The following SNRPN variants were observed in gnomAD, a reference collection of about 807,000 sequenced individuals.
SNRPN encodes small nuclear ribonucleoprotein polypeptide N.
Under a neutral mutation model 25.2 loss-of-function variants are expected in SNRPN, and 7 were observed. The ratio of observed to expected loss-of-function variants is 0.28; its 90% CI spans 0.16 to 0.52. The LOEUF is 0.52. SNRPN is among the 20% of genes least tolerant of loss of function. The pLI is 0.96. For synonymous variants in SNRPN, 124 were observed against 110.6 expected, an observed-to-expected ratio of 1.12 and a Z score of -0.76; for missense variants, 196 against 322.5, an observed-to-expected ratio of 0.61 and a Z score of 3.00.
At chr15:24,970,579 CA>C (rs949989236) in intron 3 of SNRPN, among the ~76,000 whole-genome samples, 6 of 151,008 alleles carry the variant, frequency 4.0e-5, no homozygotes, top group East Asian at 3.9e-4. Flanking sequence ...ACTTCTATCT[CA>C]AAAAAAAATT....
intron 2 of SNRPN, among the ~76,000 whole-genome samples, chr15:24,834,751 C>CTCTCTCTCTCTCTCTCTCTCTCTATA: frequency 3.3e-5 from 2 of 60,956 alleles, no homozygotes; most frequent in Non-Finnish European, 3.3e-5. Flanking sequence ...CTCTCTCTCT[C>CTCTCTCTCTCTCTCTCTCTCTCTATA]TATATATATA....
At chr15:24,945,631 G>T (rs991370588) in intron 3 of SNRPN, among the ~76,000 whole-genome samples, 32 of 152,108 alleles carry the variant, frequency 2.1e-4, no homozygotes, top group African/African-American at 6.3e-4. Context: ...CTAAAACATA[G>T]GCATGGTAAG....
chr15:24,934,714 C>T (rs1473815769), intron 3 of SNRPN, among the ~76,000 whole-genome samples: 2 of 152,132 alleles, frequency 1.3e-5, no homozygotes, highest in Non-Finnish European at 2.9e-5. Flanking sequence ...TGCCTCCGCT[C>T]CCAGCTAATC....
chr15:24,901,477 G>A (rs1399352178), intron 2 of SNRPN, among the ~76,000 whole-genome samples: 2 of 152,200 alleles, frequency 1.3e-5, no homozygotes, highest in Admixed American at 1.3e-4. Flanking sequence ...CACAGTTGCA[G>A]AGTGATACCA....
intron 2 of SNRPN, among the ~76,000 whole-genome samples, chr15:24,847,789 T>C (rs1266626855): frequency 2.0e-5 from 3 of 152,198 alleles, no homozygotes; most frequent in East Asian, 1.9e-4. Flanking sequence ...ATTATGCTAA[T>C]TGATTTACAA....
Position 24,925,593 on chromosome 15 carries a change from A to T in SNRPN, c.-391+5469A>T, listed in dbSNP as rs567826913. On this transcript the variant is annotated intron_variant, in intron 3 of 11. Coordinates refer to the SNRPN transcript ENST00000400097. ...TTATAGAGTCCTCCTTTTCTTTTTTATAAATTTATTATTGTTGTTGTTTAA... is the reference window on the plus strand; with the variant it reads ...TTATAGAGTCCTCCTTTTCTTTTTTTTAAATTTATTATTGTTGTTGTTTAA... Among the ~76,000 whole-genome samples, 9 of 152,072 alleles carry T rather than the reference A, an allele frequency of 5.9e-5. No individual in the cohort carries two copies. The East Asian group carries it at 1.7e-3, about 29-fold the overall frequency.
At chr15:24,918,422 ATATATAACATAATATATATGTG>A (rs2059695881) in intron 2 of SNRPN, among the ~76,000 whole-genome samples, 6 of 122,430 alleles carry the variant, frequency 4.9e-5, no homozygotes, top group South Asian at 2.7e-4. Flanking sequence ...ATATATGTGT[ATATATAACATAATATATATGTG>A]TATATATATA....
chr15:24,909,222 C>G (rs1446112038), intron 2 of SNRPN: 2 of 1,553,968 alleles, frequency 1.3e-6, no homozygotes, highest in African/African-American at 2.7e-5. Context: ...ACATTCTGGC[C>G]CATGATGTGC....
chr15:24,922,888 T>G, intron 3 of SNRPN, among the ~76,000 whole-genome samples: 1 of 125,888 alleles, frequency 7.9e-6, no homozygotes. Flanking sequence ...AGTAGGCAGA[T>G]CCTTTTTTTT....
chr15:24,923,891 G>A (rs1436639749), intron 3 of SNRPN, among the ~76,000 whole-genome samples: 1 of 112,814 alleles, frequency 8.9e-6, no homozygotes, highest in Non-Finnish European at 1.8e-5. Flanking sequence ...ATGTGTGTGT[G>A]TGTGTGTGTG....
chr15:24,910,983 C>G, intron 2 of SNRPN: 2 of 1,127,088 alleles, frequency 1.8e-6, no homozygotes, highest in Non-Finnish European at 2.6e-6. Context: ...TGGCACATGG[C>G]TAAAGACCGT....
intron 2 of SNRPN, among the ~76,000 whole-genome samples, chr15:24,913,995 T>C (rs1272233362): frequency 2.6e-5 from 4 of 152,210 alleles, no homozygotes; most frequent in Non-Finnish European, 1.5e-5. Context: ...ACTAAGCATG[T>C]TGCTATAAAT....
intron 2 of SNRPN, among the ~76,000 whole-genome samples, chr15:24,906,091 A>G (rs1414609143): frequency 6.6e-6 from 1 of 152,198 alleles, no homozygotes; most frequent in Non-Finnish European, 1.5e-5. Context: ...AATGAAGATC[A>G]AAAGAACCAG....
Position 24,968,006 on chromosome 15 carries a change from C to T in SNRPN, c.-220C>T, listed in dbSNP as rs750271724. The T allele has an allele frequency of 3.1e-6, 5 of 1,613,916 alleles. No homozygotes were observed. Among genetic ancestry groups the T allele is most frequent in the Non-Finnish European group, 4.2e-6 (5 of 1,180,004 alleles). ...GATTTCCAGGCTGAACTGAGGCAGG[C>T]ATTCTTAGCTGAGACACCAAGAGGT... On this transcript the variant is annotated 5_prime_UTR_variant, in exon 3 of 10. Transcript: ENST00000390687.
In SNRPN at chr15:24,976,064, T is replaced by C. The variant is rs61999157; in HGVS notation, c.156-241T>C. On this transcript the variant is annotated intron_variant, in intron 5 of 9. Transcript: ENST00000390687. Reference sequence around the variant, plus strand: ...GGTATTTCACAAAAGAAATTAGTCTTGTTGTAGTGTAACATCAAAGGAACA... The same window carrying C: ...GGTATTTCACAAAAGAAATTAGTCTCGTTGTAGTGTAACATCAAAGGAACA... Among the ~76,000 whole-genome samples, 1,150 of 152,366 alleles carry C rather than the reference T, an allele frequency of 7.5e-3. 6 individuals are homozygous for C. The highest frequency in any genetic ancestry group is 0.015 in the Admixed American group (222 of 15,296).
chr15:24,975,081 G>T lies in SNRPN; in HGVS notation c.4-277G>T, dbSNP rs2076915948. 9.0e-6 allele frequency: 6 copies of T among 668,990 alleles called. No individual in the cohort carries two copies. In the Admixed American group the frequency reaches 1.3e-4, roughly 15 times the overall value. 41.4% of individuals were successfully genotyped at this position (668,990 alleles called of 1,614,324 possible). ...TCATTGTGGTTTGGTTTACTTAGGG[G>T]AGTGGACAGTTTAGAGCATGCATCG... On this transcript the variant is annotated intron_variant, in intron 4 of 9. Transcript: ENST00000390687.
At chr15:24,881,619 G>A (rs1322919932) in intron 1 of SNRPN, among the ~76,000 whole-genome samples, 44 of 48,126 alleles carry the variant, frequency 9.1e-4, no homozygotes, top group African/African-American at 4.5e-3. Context: ...GAGAGAGAGA[G>A]AAAGTCACAG....
At chr15:24,959,547 C>G (rs537028596) in intron 1 of SNRPN, among the ~76,000 whole-genome samples, 1 of 152,286 alleles carries the variant, frequency 6.6e-6, no homozygotes, top group African/African-American at 2.4e-5. Flanking sequence ...TCATATTGAG[C>G]AACTGCCGAA....
intron 1 of SNRPN, among the ~76,000 whole-genome samples, chr15:24,870,378 A>G (rs1414594818): frequency 6.6e-6 from 1 of 152,176 alleles, no homozygotes; most frequent in Non-Finnish European, 1.5e-5. Flanking sequence ...ATATGTGTAA[A>G]TATTTCCTCA....
Sources: gnomAD v4.1 joint callset for allele counts (sites outside exome capture counted in the v4.1 genomes callset) on GRCh38, gnomAD v4.1.1 for gene constraint, MANE v1.5 for transcripts, NCBI Gene and HGNC (gene_info 2026-07-23, HGNC 2026-07-21) for gene names.